AGMO: variants seen among roughly 807,000 people sequenced by gnomAD.
The protein encoded by AGMO is alkylglycerol monooxygenase.
A neutral mutation model predicts 60.2 loss-of-function variants in AGMO; 75 were observed. That is an observed-to-expected ratio of 1.25 (90% CI 1.03 to 1.51). The LOEUF (loss-of-function observed/expected upper bound fraction) is 1.51, where lower values mean the gene tolerates loss of function less well. AGMO is among the 40% of genes most tolerant of loss of function. The pLI, the probability that AGMO is intolerant of heterozygous loss-of-function variation, is 0.00. For missense variants in AGMO, 763 were observed against 525.5 expected (o/e 1.45, Z -4.42); for synonymous variants, 261 against 177.1 (o/e 1.47, Z -3.76).
intron 3 of AGMO, among the ~76,000 whole-genome samples, chr7:15,506,635 T>C (rs1434890050): frequency 6.6e-6 from 1 of 152,072 alleles, no homozygotes; most frequent in Non-Finnish European, 1.5e-5. Flanking sequence ...AAATATTATT[T>C]GGCAATTCTA....
At chr7:15,392,868 T>TACTGAACA (rs1340833808) in intron 6 of AGMO, among the ~76,000 whole-genome samples, 2 of 152,188 alleles carry the variant, frequency 1.3e-5, no homozygotes, top group African/African-American at 2.4e-5. Context: ...ACATCATAGC[T>TACTGAACA]TCGCCTAGCC....
chr7:15,432,369 CAT>C (rs1227247441), intron 3 of AGMO, among the ~76,000 whole-genome samples: 1 of 50,700 alleles, frequency 2.0e-5, no homozygotes, highest in East Asian at 4.7e-4. Context: ...TATACACACA[CAT>C]ATATATATAC....
At chr7:15,155,072 G>C in the AGMO span, among the ~76,000 whole-genome samples, 1 of 152,090 alleles carries the variant, frequency 6.6e-6, no homozygotes, top group Non-Finnish European at 1.5e-5. Context: ...ATGACTATGT[G>C]TCTTGGGGAT....
intron 3 of AGMO, among the ~76,000 whole-genome samples, chr7:15,516,830 G>A (rs1783819633): frequency 6.6e-6 from 1 of 151,252 alleles, no homozygotes; most frequent in African/African-American, 2.4e-5. Context: ...ATAAAAATAA[G>A]CAGTCTGAAT....
At chr7:15,303,634 G>A (rs963642073) in intron 12 of AGMO, among the ~76,000 whole-genome samples, 1 of 152,064 alleles carries the variant, frequency 6.6e-6, no homozygotes, top group Non-Finnish European at 1.5e-5. Context: ...GAAAAAGTGA[G>A]AGAGTTGTGC....
chr7:15,525,782 G>C lies in AGMO; in HGVS notation c.409+18990C>G, dbSNP rs554032432. On this transcript the variant is annotated intron_variant, in intron 3 of 12. Coordinates refer to ENST00000342526, the MANE Select transcript of AGMO (RefSeq NM_001004320.2). ...AGCCCCAGGCTGGAGAGGGGTAACG[G>C]GCTGACAGAACAGTGAGTGCACCGC... 3.3e-5 allele frequency among the ~76,000 whole-genome samples: 5 copies of C among 152,198 alleles called. No homozygotes were observed. The East Asian group carries it at 7.8e-4, about 24-fold the overall frequency.
intron 12 of AGMO, among the ~76,000 whole-genome samples, chr7:15,286,696 C>T (rs954826623): frequency 6.6e-6 from 1 of 152,210 alleles, no homozygotes; most frequent in East Asian, 1.9e-4. Flanking sequence ...GAAGATCTAG[C>T]ATTGTATCCA....
Position 15,249,326 on chromosome 7 carries a change from T to G in AGMO, c.1264-47967A>C, listed in dbSNP as rs563694310. On this transcript the variant is annotated intron_variant, in intron 12 of 12. Coordinates refer to ENST00000342526, the MANE Select transcript of AGMO (RefSeq NM_001004320.2). ...TGACAGAATATAGCCTGTTCTTGTGTGTAAGTGTGGAAAGAGGGAGAAGAG... is the reference window on the plus strand; with the variant it reads ...TGACAGAATATAGCCTGTTCTTGTGGGTAAGTGTGGAAAGAGGGAGAAGAG... Among the ~76,000 whole-genome samples the G allele has an allele frequency of 1.3e-4, 20 of 152,128 alleles. 1 individual carries two copies. The highest frequency in any genetic ancestry group is 4.8e-4 in the African/African-American group (20 of 41,512).
the AGMO span, among the ~76,000 whole-genome samples, chr7:15,138,974 A>G: frequency 6.6e-6 from 1 of 152,208 alleles, no homozygotes; most frequent in African/African-American, 2.4e-5. Flanking sequence ...ATAATAAAAT[A>G]AATATCCTCC....
the AGMO span, among the ~76,000 whole-genome samples, chr7:15,144,272 CA>C: frequency 1.1e-4 from 17 of 151,076 alleles, no homozygotes; most frequent in African/African-American, 3.9e-4. Flanking sequence ...TAAGGTAATC[CA>C]AAAAAAATGC....
At chr7:15,184,287 A>G in the AGMO span, among the ~76,000 whole-genome samples, 2 of 112,550 alleles carry the variant, frequency 1.8e-5, no homozygotes, top group South Asian at 3.7e-4. Flanking sequence ...AAAAGGAAGG[A>G]AGGAAGGGAG....
chr7:15,382,822 T>A (rs1783748026), intron 10 of AGMO, among the ~76,000 whole-genome samples: 1 of 152,180 alleles, frequency 6.6e-6, no homozygotes, highest in Non-Finnish European at 1.5e-5. Flanking sequence ...ATTAAGATGT[T>A]ATCCTACAGG....
At chr7:15,493,362 C>CACACACACTTA in intron 3 of AGMO, among the ~76,000 whole-genome samples, 1 of 102,260 alleles carries the variant, frequency 9.8e-6, no homozygotes, top group Non-Finnish European at 1.8e-5. Context: ...CACACACACA[C>CACACACACTTA]TTCTTTTTTT....
chr7:15,300,881 T>G (rs537886046), intron 12 of AGMO, among the ~76,000 whole-genome samples: 4 of 152,236 alleles, frequency 2.6e-5, no homozygotes, highest in South Asian at 4.1e-4. Flanking sequence ...TTTCCTAGGA[T>G]TAATCTCCAA....
At chr7:15,429,628 G>A (rs558487968) in intron 4 of AGMO, among the ~76,000 whole-genome samples, 5 of 152,020 alleles carry the variant, frequency 3.3e-5, no homozygotes, top group African/African-American at 9.6e-5. Context: ...GAATACAAGC[G>A]TCATCACAGG....
intron 3 of AGMO, among the ~76,000 whole-genome samples, chr7:15,507,644 C>G (rs571422684): frequency 2.4e-3 from 358 of 152,162 alleles, no homozygotes; most frequent in Non-Finnish European, 4.2e-3. Flanking sequence ...TATTTAAAAA[C>G]TAAGCCACAA....
At chr7:15,540,617 A>G (rs1784601067) in intron 3 of AGMO, among the ~76,000 whole-genome samples, 1 of 152,218 alleles carries the variant, frequency 6.6e-6, no homozygotes, top group African/African-American at 2.4e-5. Context: ...ATAGATTTGG[A>G]TAAGAGAGGC....
chr7:15,459,599 T>TTG (rs754526222), intron 3 of AGMO, among the ~76,000 whole-genome samples: 53 of 142,224 alleles, frequency 3.7e-4, no homozygotes, highest in South Asian at 1.4e-3. Context: ...GTATGTGCGT[T>TTG]TGTGTGTGTG....
intron 12 of AGMO, among the ~76,000 whole-genome samples, chr7:15,276,465 T>C (rs1783791342): frequency 6.6e-6 from 1 of 152,000 alleles, no homozygotes; most frequent in Admixed American, 6.6e-5. Flanking sequence ...GCTTTTAAGA[T>C]TTTTTTTCTT....
Sources: allele counts gnomAD v4.1 joint callset (sites outside exome capture counted in the v4.1 genomes callset), GRCh38; gene constraint gnomAD v4.1.1; transcripts MANE v1.5; gene names NCBI Gene and HGNC (gene_info 2026-07-23, HGNC 2026-07-21).